The following MYO5C variants were observed in gnomAD, a reference collection of about 807,000 sequenced individuals.
MYO5C encodes myosin VC, also known as unconventional myosin-Vc.
In MYO5C, 194 loss-of-function variants were observed where a neutral mutation model predicts 235.7. The ratio of observed to expected loss-of-function variants is 0.82; its 90% confidence interval spans 0.73 to 0.93. The LOEUF (loss-of-function observed/expected upper bound fraction) is 0.93. MYO5C is among the 40% of genes least tolerant of loss of function. The probability of loss-of-function intolerance (pLI) is 0.00; values close to 1 mark genes in which losing one functional copy is unlikely to be tolerated. For missense variants in MYO5C, 2,038 were observed against 2,127.2 expected (o/e 0.96, Z 0.82); for synonymous variants, 707 against 754.8 (o/e 0.94, Z 1.04).
chr15:52,232,639 C>T lies in MYO5C; in HGVS notation c.3009G>A (p.Lys1003=), dbSNP rs901356119. Residue 1003 remains lysine (K), a synonymous_variant, in exon 24 of 41, where the codon AAG becomes AAA. Coordinates refer to ENST00000261839, the MANE Select transcript of MYO5C (RefSeq NM_018728.4). ...TTCCATACATTCTTTGCCGTTCTTC[C>T]TTTTGTACATCATCAAAGAGCTGCT... is the stretch of plus-strand genomic sequence containing the variant. ...LTKQLFDDVQ[K]EERQRMLLEK... is the part of the protein sequence containing the mutation. The T allele has an allele frequency of 1.9e-6, 3 of 1,613,470 alleles. No homozygotes were observed. The African/African-American group carries it at 4.0e-5, about 22-fold the overall frequency.
At chr15:52,292,749 C>T (rs1303274051) in intron 1 of MYO5C, among the ~76,000 whole-genome samples, 1 of 152,222 alleles carries the variant, frequency 6.6e-6, no homozygotes, top group Non-Finnish European at 1.5e-5. Flanking sequence ...ATATGGAAGG[C>T]ACCGTGTGGA....
intron 8 of MYO5C, among the ~76,000 whole-genome samples, chr15:52,264,608 A>AT (rs1450220664): frequency 6.6e-6 from 1 of 152,136 alleles, no homozygotes; most frequent in Non-Finnish European, 1.5e-5. Flanking sequence ...TCTGTGCTTG[A>AT]TTTTGAATGT....
At chr15:52,287,403 C>G (rs142274120) in intron 1 of MYO5C, among the ~76,000 whole-genome samples, 1 of 152,170 alleles carries the variant, frequency 6.6e-6, no homozygotes, top group African/African-American at 2.4e-5. Flanking sequence ...TTATTACTAA[C>G]GTCATGAAGC....
intron 9 of MYO5C, 24 bp from the exon 10 acceptor site, chr15:52,261,151 G>A (rs750616426): frequency 3.1e-5 from 50 of 1,609,362 alleles, no homozygotes; most frequent in Admixed American, 5.0e-5. Flanking sequence ...CACAAGCCCC[G>A]TCAGGTGGCC....
At chr15:52,229,853 C>T (rs756202486) in intron 24 of MYO5C, among the ~76,000 whole-genome samples, 28 of 152,170 alleles carry the variant, frequency 1.8e-4, no homozygotes, top group Non-Finnish European at 3.2e-4. Context: ...ACAGTGATCA[C>T]GCACAGGGCA....
At chr15:52,285,594 C>A (rs1186807012) in intron 1 of MYO5C, among the ~76,000 whole-genome samples, 1 of 152,242 alleles carries the variant, frequency 6.6e-6, no homozygotes, top group African/African-American at 2.4e-5. Context: ...CCTGATTCTC[C>A]TGCCTCAGCC....
At chr15:52,233,308 A>T (rs1246369694) in intron 23 of MYO5C, among the ~76,000 whole-genome samples, 2 of 11,128 alleles carry the variant, frequency 1.8e-4, no homozygotes, top group African/African-American at 2.6e-4. Flanking sequence ...TTAAAAAAAA[A>T]AAAAAATAAA....
chr15:52,204,103 G>T (rs1043221298), intron 38 of MYO5C, among the ~76,000 whole-genome samples: 10 of 152,062 alleles, frequency 6.6e-5, no homozygotes, highest in Non-Finnish European at 1.2e-4. Context: ...AGGGTCCATG[G>T]TGTCTCAATT....
intron 10 of MYO5C, among the ~76,000 whole-genome samples, chr15:52,257,093 A>G (rs1566982418): frequency 6.6e-6 from 1 of 152,258 alleles, no homozygotes; most frequent in Non-Finnish European, 1.5e-5. Flanking sequence ...AGCTTGTGTC[A>G]GAACTTAGCT....
chr15:52,288,724 A>G (rs746565359), intron 1 of MYO5C, among the ~76,000 whole-genome samples: 1 of 152,220 alleles, frequency 6.6e-6, no homozygotes, highest in Non-Finnish European at 1.5e-5. Flanking sequence ...CCTCCAGAAT[A>G]TGGGGCCTTC....
chr15:52,234,532 A>G (rs1402149079), intron 23 of MYO5C, among the ~76,000 whole-genome samples: 1 of 152,206 alleles, frequency 6.6e-6, no homozygotes, highest in African/African-American at 2.4e-5. Context: ...TGCTGTAATA[A>G]AAAGGGTGGA....
chr15:52,225,085 C>T lies in MYO5C; in HGVS notation c.3355G>A (p.Val1119Ile), dbSNP rs750486328. ...QLLESYDIED[V>I]RSRLSVEDLE... ...TGCAAAAATGATTACCTGCTTCTTACATCTTCAATGTCATAGCTTTCGAGA... is the reference window on the plus strand; with the variant it reads ...TGCAAAAATGATTACCTGCTTCTTATATCTTCAATGTCATAGCTTTCGAGA... Residue 1119 changes from valine to isoleucine, a missense_variant, in exon 27 of 41, where the codon GTA becomes ATA. Physicochemically the swap from Val to Ile is conservative, Grantham distance 29 (BLOSUM62 3). Transcript: ENST00000261839. The T allele has an allele frequency of 6.2e-7, 1 of 1,614,086 alleles. No homozygotes were observed. Among genetic ancestry groups the T allele is most frequent in the Non-Finnish European group, 8.5e-7 (1 of 1,179,976 alleles).
intron 26 of MYO5C, 26 bp downstream of exon 26, chr15:52,225,413 G>T: frequency 6.6e-7 from 1 of 1,517,004 alleles, no homozygotes; most frequent in Non-Finnish European, 9.2e-7. Flanking sequence ...TGCACCCATG[G>T]ACTAAGAGAC....
chr15:52,259,646 T>C (rs2036650760), intron 10 of MYO5C, among the ~76,000 whole-genome samples: 1 of 152,238 alleles, frequency 6.6e-6, no homozygotes, highest in South Asian at 2.1e-4. Flanking sequence ...GAAGACAAGG[T>C]AAATAATTGA....
chr15:52,264,116 A>G (rs1265135110), intron 9 of MYO5C, 74 bp downstream of exon 9: 1 of 1,174,932 alleles, frequency 8.5e-7, no homozygotes, highest in Non-Finnish European at 1.2e-6. Context: ...CTAAAAAGCA[A>G]AGGCAGGTCA....
At chr15:52,295,054 C>T (rs2037469993) in intron 1 of MYO5C, among the ~76,000 whole-genome samples, 1 of 152,222 alleles carries the variant, frequency 6.6e-6, no homozygotes, top group Non-Finnish European at 1.5e-5. Context: ...CACGTTCACG[C>T]ACTTTGAAGA....
At chr15:52,212,784 T>C (rs1334886961) in intron 34 of MYO5C, among the ~76,000 whole-genome samples, 1 of 152,222 alleles carries the variant, frequency 6.6e-6, no homozygotes, top group Non-Finnish European at 1.5e-5. Flanking sequence ...GAGCCACAAT[T>C]GCTTCCATGA....
At chr15:52,270,309 A>G (rs1037430468) in intron 7 of MYO5C, among the ~76,000 whole-genome samples, 3 of 152,058 alleles carry the variant, frequency 2.0e-5, no homozygotes, top group African/African-American at 7.2e-5. Flanking sequence ...AAAAAATCCT[A>G]CATAACAGAC....
chr15:52,215,304 G>A (rs946245968), intron 32 of MYO5C, among the ~76,000 whole-genome samples: 6 of 152,190 alleles, frequency 3.9e-5, no homozygotes, highest in Admixed American at 1.3e-4. Flanking sequence ...CTGATAAGTA[G>A]GTGGCCTTGC....
Sources: allele counts gnomAD v4.1 joint callset (sites outside exome capture counted in the v4.1 genomes callset), GRCh38; gene constraint gnomAD v4.1.1; transcripts MANE v1.5; gene names NCBI Gene and HGNC (gene_info 2026-07-23, HGNC 2026-07-21).